MSI2: variants seen among roughly 807,000 people sequenced by gnomAD.
MSI2 encodes the protein RNA-binding protein Musashi homolog 2.
A neutral mutation model predicts 45.6 loss-of-function variants in MSI2; 17 were observed. The observed-to-expected ratio is 0.37, with a 90% CI of 0.26 to 0.56. MSI2 has a LOEUF of 0.56. Ranked by LOEUF, MSI2 falls within the 20% of genes least tolerant of loss-of-function variation. The probability of loss-of-function intolerance (pLI) is 0.77; values close to 1 mark genes in which losing one functional copy is unlikely to be tolerated. For missense variants in MSI2, 293 were observed against 444.2 expected, an observed-to-expected ratio of 0.66 and a Z score of 3.06; for synonymous variants, 156 against 158.2, an observed-to-expected ratio of 0.99 and a Z score of 0.11.
At chr17:57,355,996 C>T (rs1426873242) in intron 5 of MSI2, among the ~76,000 whole-genome samples, 1 of 152,214 alleles carries the variant, frequency 6.6e-6, no homozygotes, top group Non-Finnish European at 1.5e-5. Context: ...GCCCCAGCCT[C>T]CCAAGTAACT....
intron 6 of MSI2, among the ~76,000 whole-genome samples, chr17:57,402,717 A>T (rs894624): frequency 1.6e-4 from 25 of 152,110 alleles, no homozygotes; most frequent in South Asian, 4.1e-4. Flanking sequence ...CCTGGATAGG[A>T]GACCGTGCAA....
chr17:57,272,563 A>G (rs1356500439), intron 5 of MSI2, among the ~76,000 whole-genome samples: 1 of 152,190 alleles, frequency 6.6e-6, no homozygotes, highest in African/African-American at 2.4e-5. Flanking sequence ...TAAATATTTC[A>G]GTGTCTTGGA....
At chr17:57,632,522 T>G in intron 10 of MSI2, 1 of 1,066,948 alleles carries the variant, frequency 9.4e-7, no homozygotes, top group Non-Finnish European at 1.1e-6. Context: ...CTTCCCCAGC[T>G]CGCCTCCCTG....
At chr17:57,423,200 T>A (rs2084429124) in intron 6 of MSI2, among the ~76,000 whole-genome samples, 1 of 152,230 alleles carries the variant, frequency 6.6e-6, no homozygotes. Flanking sequence ...TGAAAATTAA[T>A]GGAATTAAAT....
At chr17:57,385,244 G>GTCCA (rs1230724544) in intron 5 of MSI2, among the ~76,000 whole-genome samples, 1 of 152,174 alleles carries the variant, frequency 6.6e-6, no homozygotes, top group Non-Finnish European at 1.5e-5. Flanking sequence ...ACAGGATGAA[G>GTCCA]TCCAGTCTTC....
At chr17:57,641,331 G>T (rs934686825) in intron 10 of MSI2, among the ~76,000 whole-genome samples, 5 of 152,184 alleles carry the variant, frequency 3.3e-5, no homozygotes, top group Admixed American at 3.3e-4. Context: ...GTCCTGGTTG[G>T]CAGAGGTGAG....
chr17:57,669,175 T>A (rs995735194), intron 11 of MSI2, among the ~76,000 whole-genome samples: 2 of 152,254 alleles, frequency 1.3e-5, no homozygotes, highest in Non-Finnish European at 2.9e-5. Context: ...CCATCTGCAA[T>A]TATTTACAGT....
chr17:57,397,193 G>C (rs1337274106), intron 5 of MSI2, among the ~76,000 whole-genome samples: 1 of 152,174 alleles, frequency 6.6e-6, no homozygotes, highest in Non-Finnish European at 1.5e-5. Context: ...ACAGTTACCT[G>C]AAGGGCCTAT....
chr17:57,678,994 T>C (rs1913432780), intron 13 of MSI2, among the ~76,000 whole-genome samples: 2 of 152,250 alleles, frequency 1.3e-5, no homozygotes. Flanking sequence ...TTTTGTTTCC[T>C]GTAACCAAAG....
chr17:57,631,774 C>T, intron 10 of MSI2: 1 of 1,604,638 alleles, frequency 6.2e-7, no homozygotes, highest in Non-Finnish European at 8.5e-7. Context: ...AATTTCTGTT[C>T]TTATTTCACT....
At chr17:57,350,375 G>C (rs16958250) in intron 5 of MSI2, among the ~76,000 whole-genome samples, 1 of 151,954 alleles carries the variant, frequency 6.6e-6, no homozygotes, top group Admixed American at 6.5e-5. Flanking sequence ...TATTTGTCCT[G>C]CATGAATGCC....
chr17:57,459,927 G>A (rs1045902630), intron 6 of MSI2, among the ~76,000 whole-genome samples: 4 of 151,958 alleles, frequency 2.6e-5, no homozygotes, highest in African/African-American at 9.7e-5. Context: ...TCAGGAGTTC[G>A]AGACCAGCCT....
intron 5 of MSI2, among the ~76,000 whole-genome samples, chr17:57,330,419 G>A (rs1346163657): frequency 2.6e-5 from 4 of 151,630 alleles, no homozygotes; most frequent in African/African-American, 9.7e-5. Context: ...CTAGTAACCG[G>A]GATTACAGGT....
chr17:57,259,422 C>T (rs1321357251), intron 4 of MSI2, among the ~76,000 whole-genome samples: 2 of 152,218 alleles, frequency 1.3e-5, no homozygotes, highest in South Asian at 2.1e-4. Flanking sequence ...GGTGATCTTT[C>T]AAGCCCCTTT....
intron 6 of MSI2, chr17:57,523,685 C>T (rs2086641488): frequency 1.3e-5 from 2 of 152,210 alleles, no homozygotes; most frequent in Admixed American, 6.5e-5. Context: ...GAGGTCCGTC[C>T]ACACCTTAAT....
rs540697043 is a variant in MSI2, at chr17:57,434,122, C to T, written c.405+32651C>T. 1.2e-4 allele frequency among the ~76,000 whole-genome samples: 19 copies of T among 152,156 alleles called. 1 individual carries two copies. The South Asian group carries it at 2.7e-3, about 22-fold the overall frequency. On this transcript the variant is annotated intron_variant, in intron 6 of 13. Coordinates refer to ENST00000284073, the MANE Select transcript of MSI2 (RefSeq NM_138962.4). ...TTAACGATTTATTTTTTTCTGGAGA[C>T]GGAGTCTTGCTCTGTCGCCCAGGCT... is the stretch of plus-strand genomic sequence containing the variant.
Position 57,512,127 on chromosome 17 carries a change from C to T in MSI2, c.406-17549C>T, listed in dbSNP as rs115588460. Reference sequence around the variant, plus strand: ...TGACAGAGTGCCTGTATGTGCGCTGCATGGGGCCTGCACAGCCTAGAGCAC... The same window carrying T: ...TGACAGAGTGCCTGTATGTGCGCTGTATGGGGCCTGCACAGCCTAGAGCAC... On this transcript the variant is annotated intron_variant, in intron 6 of 13. Coordinates refer to ENST00000284073, the MANE Select transcript of MSI2 (RefSeq NM_138962.4). Among the ~76,000 whole-genome samples the T allele has an allele frequency of 5.4e-3, 820 of 152,340 alleles. 5 individuals are homozygous for T. Among genetic ancestry groups the T allele is most frequent in the African/African-American group, 0.019 (771 of 41,570 alleles).
chr17:57,330,743 C>A (rs1914182646), intron 5 of MSI2, among the ~76,000 whole-genome samples: 1 of 152,060 alleles, frequency 6.6e-6, no homozygotes, highest in African/African-American at 2.4e-5. Context: ...TTCATTCTGT[C>A]TGTTTCAAGG....
At chr17:57,408,854 G>C (rs553966921) in intron 6 of MSI2, among the ~76,000 whole-genome samples, 3 of 152,164 alleles carry the variant, frequency 2.0e-5, no homozygotes, top group Non-Finnish European at 2.9e-5. Flanking sequence ...TCTGTTGTTC[G>C]GTGGAGTGAA....
Sources: gnomAD v4.1 joint callset for allele counts (sites outside exome capture counted in the v4.1 genomes callset) on GRCh38, gnomAD v4.1.1 for gene constraint, MANE v1.5 for transcripts, NCBI Gene and HGNC (gene_info 2026-07-23, HGNC 2026-07-21) for gene names.